The following LRRK2 variants were observed in gnomAD, a reference collection of about 807,000 sequenced individuals.
The protein encoded by LRRK2 is leucine-rich repeat serine/threonine-protein kinase 2.
LRRK2 carries 203 observed loss-of-function variants against 302.6 expected under a neutral mutation model. That is an observed-to-expected ratio of 0.67 (90% CI 0.60 to 0.75). The LOEUF (loss-of-function observed/expected upper bound fraction) is 0.75, where lower values mean the gene tolerates loss of function less well. Among genes scored for constraint, LRRK2 ranks in the 30% least tolerant of loss-of-function variants. The pLI, the probability that LRRK2 is intolerant of heterozygous loss-of-function variation, is 0.00. For synonymous variants in LRRK2, 1,066 were observed against 1,031.9 expected (o/e 1.03, Z -0.63); for missense variants, 2,830 against 2,951.0 (o/e 0.96, Z 0.95).
intron 20 of LRRK2, among the ~76,000 whole-genome samples, chr12:40,289,233 T>C (rs755252294): frequency 2.6e-5 from 4 of 151,786 alleles, no homozygotes; most frequent in Admixed American, 6.6e-5. Flanking sequence ...TATGGTTCTA[T>C]TTTAGCATTA....
At chr12:40,315,604 T>C (rs1222470816) in intron 33 of LRRK2, among the ~76,000 whole-genome samples, 2 of 151,952 alleles carry the variant, frequency 1.3e-5, no homozygotes, top group Non-Finnish European at 2.9e-5. Flanking sequence ...ATTAGTCAAT[T>C]GAATGATGGC....
At chr12:40,327,161 C>T (rs913048827) in intron 38 of LRRK2, among the ~76,000 whole-genome samples, 1 of 152,102 alleles carries the variant, frequency 6.6e-6, no homozygotes, top group East Asian at 1.9e-4. Context: ...TGGAGAGTAA[C>T]AGTCCACGGG....
chr12:40,257,414 T>G lies in LRRK2; in HGVS notation c.1418+37T>G, dbSNP rs200441262. The G allele has an allele frequency of 1.8e-5, 29 of 1,592,154 alleles. No homozygotes were observed. The Admixed American group carries it at 4.9e-4, about 27-fold the overall frequency. ...TCATTAACTTGTACAGAATATATCA[T>G]ATTGGGCCAGGTAGAATATCAATAT... is the stretch of plus-strand genomic sequence containing the variant. On this transcript the variant is annotated intron_variant, in intron 12 of 50. Transcript: ENST00000298910.
At chr12:40,240,438 A>T (rs1459770627) in intron 5 of LRRK2, 45 bp from the exon 6 acceptor site, 1 of 1,567,214 alleles carries the variant, frequency 6.4e-7, no homozygotes, top group East Asian at 2.3e-5. Context: ...TTAAACTTTC[A>T]TATCATCTTT....
intron 16 of LRRK2, 34 bp downstream of exon 16, chr12:40,275,027 T>C (rs200689140): frequency 5.3e-5 from 85 of 1,612,658 alleles, no homozygotes; most frequent in Non-Finnish European, 7.0e-5. Context: ...ATTTGGGAAC[T>C]TGTGCGAATT....
chr12:40,257,322 T>C lies in LRRK2; in HGVS notation c.1363T>C (p.Ser455Pro). 4 of 1,611,202 alleles carry C rather than the reference T, an allele frequency of 2.5e-6. No individual in the cohort carries two copies. The highest frequency in any genetic ancestry group is 3.4e-6 in the Non-Finnish European group (4 of 1,177,606). Residue 455 changes from serine (S) to proline (P), a missense_variant, in exon 12 of 51, where the codon TCT becomes CCT. By Grantham distance (74) the Ser-to-Pro change is moderately conservative. Coordinates refer to ENST00000298910, the MANE Select transcript of LRRK2 (RefSeq NM_198578.4). ...VLELMQKHIH[S>P]PEVAESGCKM... ...GGAGTTAATGCAGAAGCATATACAT[T>C]CTCCTGAAGTGGCTGAAAGTGGCTG... is the stretch of plus-strand genomic sequence containing the variant.
At chr12:40,285,211 A>G (rs1280772071) in intron 19 of LRRK2, among the ~76,000 whole-genome samples, 1 of 152,108 alleles carries the variant, frequency 6.6e-6, no homozygotes, top group African/African-American at 2.4e-5. Context: ...GTTCTCTTAC[A>G]TGACCCTATA....
At chr12:40,343,177 G>T (rs1946100338) in intron 41 of LRRK2, among the ~76,000 whole-genome samples, 1 of 152,202 alleles carries the variant, frequency 6.6e-6, no homozygotes, top group African/African-American at 2.4e-5. Context: ...GGACCATGGT[G>T]CTGTGTCTGT....
intron 25 of LRRK2, among the ~76,000 whole-genome samples, chr12:40,299,855 G>A (rs768206297): frequency 3.3e-5 from 5 of 151,978 alleles, no homozygotes; most frequent in African/African-American, 4.8e-5. Flanking sequence ...GGGAAGAAGG[G>A]ATTTATTGAA....
intron 20 of LRRK2, among the ~76,000 whole-genome samples, chr12:40,289,567 A>C (rs533021525): frequency 1.3e-5 from 2 of 149,358 alleles, no homozygotes; most frequent in South Asian, 4.2e-4. Flanking sequence ...TATAGATTAT[A>C]TCTATAAATT....
At chr12:40,253,477 T>C (rs1942370378) in intron 11 of LRRK2, among the ~76,000 whole-genome samples, 1 of 152,068 alleles carries the variant, frequency 6.6e-6, no homozygotes, top group Non-Finnish European at 1.5e-5. Context: ...CCTCAAACTT[T>C]TGGACTCAGG....
chr12:40,353,033 C>T (rs558274202), intron 44 of LRRK2, among the ~76,000 whole-genome samples: 17 of 151,836 alleles, frequency 1.1e-4, no homozygotes, highest in South Asian at 4.2e-4. Flanking sequence ...CCAGAAGGGG[C>T]GGCCGGGCAG....
intron 22 of LRRK2, 133 bp downstream of exon 22, chr12:40,295,047 A>G (rs1944326492): frequency 1.6e-6 from 1 of 618,984 alleles, no homozygotes; most frequent in Non-Finnish European, 2.9e-6. Context: ...ATATTTACCT[A>G]ATGATTCCTT....
chr12:40,272,052 T>C (rs1943250156), intron 14 of LRRK2, among the ~76,000 whole-genome samples: 2 of 152,124 alleles, frequency 1.3e-5, no homozygotes, highest in South Asian at 4.1e-4. Context: ...GGAGTAGAAG[T>C]GGATATGTAA....
chr12:40,353,533 C>T (rs1946434111), intron 44 of LRRK2, among the ~76,000 whole-genome samples: 1 of 149,726 alleles, frequency 6.7e-6, no homozygotes, highest in Admixed American at 6.6e-5. Flanking sequence ...CCTCACATCC[C>T]AGACGATGGG....
rs1482853282 is a variant in LRRK2 at position 40,275,374 on chromosome 12, G to C, written c.1941+381G>C. On this transcript the variant is annotated intron_variant, in intron 16 of 50. Transcript: ENST00000298910. Reference sequence around the variant, plus strand: ...CTTACCTTTAGTAATTTTGCTTGTTGATTTTTTTCCTTGCAGTGAAAAAAT... The same window carrying C: ...CTTACCTTTAGTAATTTTGCTTGTTCATTTTTTTCCTTGCAGTGAAAAAAT... Among the ~76,000 whole-genome samples the C allele has an allele frequency of 2.0e-5, 3 of 152,030 alleles. No individual in the cohort carries two copies. The East Asian group carries it at 5.8e-4, about 29-fold the overall frequency.
chr12:40,322,806 T>C (rs1945442785), intron 37 of LRRK2, among the ~76,000 whole-genome samples: 1 of 151,548 alleles, frequency 6.6e-6, no homozygotes, highest in Non-Finnish European at 1.5e-5. Flanking sequence ...AAGATTCAAA[T>C]AGACAATACA....
intron 41 of LRRK2, among the ~76,000 whole-genome samples, chr12:40,341,989 A>G (rs1023821716): frequency 6.6e-6 from 1 of 152,242 alleles, no homozygotes; most frequent in Admixed American, 6.5e-5. Context: ...GGCATGGGAC[A>G]GTGATTTTCT....
intron 45 of LRRK2, among the ~76,000 whole-genome samples, chr12:40,355,663 C>T (rs1461120706): frequency 6.6e-6 from 1 of 151,990 alleles, no homozygotes; most frequent in Non-Finnish European, 1.5e-5. Flanking sequence ...TAGCCTCAGC[C>T]TCCTGAGTAG....
Sources: gnomAD v4.1 joint callset for allele counts (sites outside exome capture counted in the v4.1 genomes callset) on GRCh38, gnomAD v4.1.1 for gene constraint, MANE v1.5 for transcripts, NCBI Gene and HGNC (gene_info 2026-07-23, HGNC 2026-07-21) for gene names.